The following RAPGEF2 variants were observed in gnomAD, a reference collection of about 807,000 sequenced individuals.
RAPGEF2 encodes the protein PDZ domain containing guanine nucleotide exchange factor (GEF) 1.
RAPGEF2 carries 54 observed loss-of-function variants against 186.7 expected under a neutral mutation model. The observed-to-expected ratio is 0.29, with a 90% CI of 0.23 to 0.36. The LOEUF (loss-of-function observed/expected upper bound fraction) is 0.36. Among genes scored for constraint, RAPGEF2 ranks in the 10% least tolerant of loss-of-function variants. The pLI is 1.00. For synonymous variants in RAPGEF2, 712 were observed against 705.9 expected, an observed-to-expected ratio of 1.01 and a Z score of -0.14; for missense variants, 1,532 against 2,045.0, an observed-to-expected ratio of 0.75 and a Z score of 4.84.
intron 17 of RAPGEF2, among the ~76,000 whole-genome samples, chr4:159,337,373 C>T (rs1181678969): frequency 6.6e-6 from 1 of 151,944 alleles, no homozygotes; most frequent in Non-Finnish European, 1.5e-5. Flanking sequence ...GGATTTTTTT[C>T]CTCCTGTTTT....
intron 7 of RAPGEF2, among the ~76,000 whole-genome samples, chr4:159,269,727 A>G (rs1431342413): frequency 6.6e-6 from 1 of 152,200 alleles, no homozygotes; most frequent in African/African-American, 2.4e-5. Context: ...AAGAAAATTG[A>G]TGGCTGGGTG....
intron 7 of RAPGEF2, among the ~76,000 whole-genome samples, chr4:159,283,996 A>G (rs990818774): frequency 6.6e-6 from 1 of 152,204 alleles, no homozygotes; most frequent in African/African-American, 2.4e-5. Context: ...AGGTGTTAGC[A>G]CTGAAATTCT....
chr4:159,223,578 G>A (rs1171178433), intron 4 of RAPGEF2, among the ~76,000 whole-genome samples: 1 of 152,056 alleles, frequency 6.6e-6, no homozygotes, highest in Non-Finnish European at 1.5e-5. Flanking sequence ...CAGTCATTAG[G>A]CAGACTTAAT....
chr4:159,109,363 G>A (rs1738242219), intron 1 of RAPGEF2, among the ~76,000 whole-genome samples: 2 of 152,178 alleles, frequency 1.3e-5, no homozygotes, highest in Middle Eastern at 3.4e-3. Flanking sequence ...AGACTTAGGA[G>A]ATATGGAAAC....
intron 1 of RAPGEF2, among the ~76,000 whole-genome samples, chr4:159,140,654 ACT>A (rs1742215864): frequency 6.6e-6 from 1 of 152,084 alleles, no homozygotes; most frequent in African/African-American, 2.4e-5. Flanking sequence ...CTCAGTGACA[ACT>A]CTCTAGTAGA....
chr4:159,243,637 A>G (rs994828405), intron 6 of RAPGEF2, 137 bp from the exon 7 acceptor site: 4 of 521,560 alleles, frequency 7.7e-6, no homozygotes, highest in African/African-American at 5.9e-5. Context: ...AGCATTATAC[A>G]TATAGCTGAT....
At chr4:159,158,537 C>T (rs915627321) in intron 1 of RAPGEF2, among the ~76,000 whole-genome samples, 1 of 152,112 alleles carries the variant, frequency 6.6e-6, no homozygotes, top group African/African-American at 2.4e-5. Context: ...TAGCTAACAC[C>T]TTTCCTTTAC....
At chr4:159,187,700 A>T (rs1279254098) in intron 2 of RAPGEF2, among the ~76,000 whole-genome samples, 1 of 152,224 alleles carries the variant, frequency 6.6e-6, no homozygotes. Flanking sequence ...ATTAAAGAAC[A>T]AAAATGATTT....
Position 159,322,409 on chromosome 4 carries a change from C to T in RAPGEF2, c.916C>T (p.Arg306Ter). The T allele has an allele frequency of 6.2e-7, 1 of 1,613,782 alleles. No individual in the cohort carries two copies. Among genetic ancestry groups the T allele is most frequent in the Non-Finnish European group, 8.5e-7 (1 of 1,179,812 alleles). The change falls in exon 10 of 30, where the codon CGA (arginine) becomes TGA (stop). Residue 306 changes from arginine (R) to a stop codon, truncating the protein, a stop_gained. Coordinates refer to ENST00000691494, the MANE Select transcript of RAPGEF2 (RefSeq NM_001394067.2). LOFTEE classifies it high-confidence loss of function. ...AFANMTMSVR[R>*]ELCAVMVFAV... is the part of the protein sequence containing the mutation. ...TGCCAATATGACAATGTCAGTGAGG[C>T]GAGAACTCTGTGCTGTGATGGTGTT...
chr4:159,182,783 C>G (rs1030381647), intron 1 of RAPGEF2, among the ~76,000 whole-genome samples: 1 of 152,100 alleles, frequency 6.6e-6, no homozygotes, highest in Admixed American at 6.5e-5. Flanking sequence ...GATTTAGTTG[C>G]ACACACAGTT....
chr4:159,346,845 C>A lies in RAPGEF2; in HGVS notation c.3559C>A (p.Pro1187Thr), dbSNP rs766415319. 7.4e-6 allele frequency: 12 copies of A among 1,614,198 alleles called. No individual in the cohort carries two copies. The highest frequency in any genetic ancestry group is 1.6e-4 in the Middle Eastern group (1 of 6,062). Residue 1187 changes from proline to threonine, a missense_variant, in exon 25 of 30, where the codon CCA becomes ACA. Pro to Thr is a conservative substitution (Grantham distance 38). Around this residue, in one of 4 missense-constraint regions of RAPGEF2, gnomAD observed 594 missense variants for 608.5 expected, o/e 0.98. Coordinates refer to ENST00000691494, the MANE Select transcript of RAPGEF2 (RefSeq NM_001394067.2). ...PVKSETSPVA[P>T]RAGSQQKAQS... ...CAAATCCGAGACCTCTCCAGTAGCT[C>A]CAAGGGCAGGGTCACAACAGAAAGC...
At chr4:159,335,477 G>A (rs1197751175) in intron 17 of RAPGEF2, among the ~76,000 whole-genome samples, 1 of 152,170 alleles carries the variant, frequency 6.6e-6, no homozygotes, top group Non-Finnish European at 1.5e-5. Flanking sequence ...GGATGACAGA[G>A]ATGTAGGTGA....
chr4:159,235,940 A>G (rs1456146718), intron 4 of RAPGEF2, among the ~76,000 whole-genome samples: 1 of 152,192 alleles, frequency 6.6e-6, no homozygotes, highest in Non-Finnish European at 1.5e-5. Context: ...GAGAGAGCTC[A>G]GAGGCTTTGT....
At chr4:159,262,311 C>A (rs1262646476) in intron 7 of RAPGEF2, among the ~76,000 whole-genome samples, 2 of 152,124 alleles carry the variant, frequency 1.3e-5, no homozygotes, top group Non-Finnish European at 2.9e-5. Flanking sequence ...GCTCATGCAA[C>A]ATATTAATCC....
intron 7 of RAPGEF2, among the ~76,000 whole-genome samples, chr4:159,246,118 A>T (rs1754604285): frequency 6.6e-6 from 1 of 152,166 alleles, no homozygotes; most frequent in Non-Finnish European, 1.5e-5. Context: ...GTGTAAAAGG[A>T]TATCTCCCAC....
At chr4:159,336,572 G>A (rs1199574434) in intron 17 of RAPGEF2, among the ~76,000 whole-genome samples, 3 of 152,072 alleles carry the variant, frequency 2.0e-5, no homozygotes, top group African/African-American at 7.2e-5. Flanking sequence ...CTCATTAGTC[G>A]ATGTGCACTT....
At chr4:159,235,477 CTT>C (rs1220377695) in intron 4 of RAPGEF2, among the ~76,000 whole-genome samples, 1 of 152,202 alleles carries the variant, frequency 6.6e-6, no homozygotes, top group Non-Finnish European at 1.5e-5. Flanking sequence ...CACTCACACT[CTT>C]TATAAAATGT....
intron 1 of RAPGEF2, among the ~76,000 whole-genome samples, chr4:159,164,266 A>G (rs1294627549): frequency 1.3e-5 from 2 of 148,942 alleles, no homozygotes; most frequent in African/African-American, 5.0e-5. Context: ...AGCCTCCCAA[A>G]GTGCTGGGAT....
At chr4:159,203,432 A>G (rs1460136907) in intron 3 of RAPGEF2, among the ~76,000 whole-genome samples, 1 of 152,174 alleles carries the variant, frequency 6.6e-6, no homozygotes, top group African/African-American at 2.4e-5. Context: ...AATAATTATG[A>G]CGTTCTGGCA....
Sources: allele counts gnomAD v4.1 joint callset (sites outside exome capture counted in the v4.1 genomes callset), GRCh38; gene constraint gnomAD v4.1.1; regional missense constraint gnomAD v4.1.1; transcripts MANE v1.5; gene names NCBI Gene and HGNC (gene_info 2026-07-23, HGNC 2026-07-21).